Variants in GALK2 observed in about 807,000 individuals in gnomAD.
The protein encoded by GALK2 is galactokinase 2.
A neutral mutation model predicts 52.4 loss-of-function variants in GALK2; 36 were observed. The ratio of observed to expected loss-of-function variants is 0.69; its 90% CI spans 0.53 to 0.91. The LOEUF is 0.91. Among genes scored for constraint, GALK2 ranks in the 40% least tolerant of loss-of-function variants. The pLI is 0.00. For missense variants in GALK2, 579 were observed against 559.1 expected, an observed-to-expected ratio of 1.04 and a Z score of -0.36; for synonymous variants, 176 against 199.1, an observed-to-expected ratio of 0.88 and a Z score of 0.98.
At chr15:49,318,046 T>G (rs946982885) in intron 8 of GALK2, 1 of 129,618 alleles carries the variant, frequency 7.7e-6, no homozygotes, top group Non-Finnish European at 1.8e-5. Flanking sequence ...ATCCCAGAAT[T>G]TAAAGTAAAA....
intron 3 of GALK2, among the ~76,000 whole-genome samples, chr15:49,356,219 G>T (rs2043142313): frequency 6.6e-6 from 1 of 151,636 alleles, no homozygotes; most frequent in African/African-American, 2.4e-5. Flanking sequence ...CATAATGACA[G>T]GATCAAATTC....
chr15:49,227,845 GTA>G (rs2090221367), intron 3 of GALK2, among the ~76,000 whole-genome samples: 1 of 151,940 alleles, frequency 6.6e-6, no homozygotes, highest in African/African-American at 2.4e-5. Context: ...TCCTGTTGGT[GTA>G]TATATTATCC....
intron 7 of GALK2, among the ~76,000 whole-genome samples, chr15:49,287,841 GT>G (rs1407652598): frequency 6.6e-6 from 1 of 151,824 alleles, no homozygotes. Flanking sequence ...TTTTAATCAA[GT>G]TAACACAGAG....
At chr15:49,366,894 T>G (rs927474501) in intron 3 of GALK2, among the ~76,000 whole-genome samples, 1 of 152,198 alleles carries the variant, frequency 6.6e-6, no homozygotes, top group African/African-American at 2.4e-5. Flanking sequence ...TAATGAGGAC[T>G]GGGCCAAGAA....
intron 9 of GALK2, among the ~76,000 whole-genome samples, chr15:49,322,947 A>G: frequency 6.8e-6 from 1 of 146,368 alleles, no homozygotes; most frequent in Non-Finnish European, 1.5e-5. Context: ...ACAGAGCAAG[A>G]CTCCATCTCA....
chr15:49,242,104 G>T (rs2091123846), intron 5 of GALK2, among the ~76,000 whole-genome samples: 1 of 152,046 alleles, frequency 6.6e-6, no homozygotes. Context: ...AATGCCATGT[G>T]ATTTTACTCT....
intron 1 of GALK2, among the ~76,000 whole-genome samples, chr15:49,200,029 T>C (rs191506138): frequency 1.3e-4 from 20 of 152,346 alleles, no homozygotes; most frequent in African/African-American, 3.8e-4. Context: ...TCTTAATTAA[T>C]TAATTTCCTG....
chr15:49,328,590 T>C lies in GALK2; in HGVS notation c.*431T>C, dbSNP rs2037925014. ...CTCTTAGTATTCTTCTTCCTCAAAG[T>C]TGTAGTTGTCTGTTGATGATGGTGA... On this transcript the variant is annotated 3_prime_UTR_variant, in exon 10 of 10. Coordinates refer to ENST00000560031, the MANE Select transcript of GALK2 (RefSeq NM_002044.4). 11 of 1,598,276 alleles carry C rather than the reference T, an allele frequency of 6.9e-6. No homozygotes were observed. Among genetic ancestry groups the C allele is most frequent in the Non-Finnish European group, 9.4e-6 (11 of 1,169,680 alleles).
intron 2 of GALK2, among the ~76,000 whole-genome samples, chr15:49,210,194 TTTTTAA>T (rs1391451540): frequency 6.6e-6 from 1 of 152,020 alleles, no homozygotes; most frequent in African/African-American, 2.4e-5. Flanking sequence ...TTTTCTGTTT[TTTTTAA>T]TTTTATTTAT....
intron 3 of GALK2, among the ~76,000 whole-genome samples, chr15:49,347,059 C>T (rs2041610758): frequency 1.3e-5 from 2 of 152,104 alleles, no homozygotes; most frequent in Admixed American, 1.3e-4. Context: ...TTCTAAATGG[C>T]CTAGAATTAT....
Position 49,273,652 on chromosome 15 carries a change from A to G in GALK2, c.505-8335A>G, listed in dbSNP as rs560684769. Among the ~76,000 whole-genome samples, 131 of 151,626 alleles carry G rather than the reference A, an allele frequency of 8.6e-4. 1 individual carries two copies. The highest frequency in any genetic ancestry group is 3.0e-3 in the African/African-American group (122 of 41,304). On this transcript the variant is annotated intron_variant, in intron 5 of 9. Coordinates refer to ENST00000560031, the MANE Select transcript of GALK2 (RefSeq NM_002044.4). The stretch of plus-strand genomic sequence containing the variant: ...AAGCAAGTCTGCTTCAGTCTCTTTT[A>G]GAGTTATCTTGGTGCCATTTCATGG...
At chr15:49,366,178 A>G in intron 3 of GALK2, 1 of 857,854 alleles carries the variant, frequency 1.2e-6, no homozygotes, top group Non-Finnish European at 2.0e-6. Context: ...CCATAGTATA[A>G]TCAAAGTTAG....
In GALK2 at chr15:49,283,559, C is replaced by T; in HGVS notation, c.604-7C>T. The T allele has an allele frequency of 6.3e-7, 1 of 1,599,660 alleles. No homozygotes were observed. The highest frequency in any genetic ancestry group is 1.1e-5 in the South Asian group (1 of 88,502). On this transcript the variant is annotated splice_polypyrimidine_tract_variant and splice_region_variant and intron_variant, in intron 6 of 9. Transcript: ENST00000560031. ...TTATATTTCTCCTTTCATTTTTCTT[C>T]TAACAGGCCAAGTTGATAGAATTTA...
At chr15:49,302,255 A>G (rs17476361) in intron 8 of GALK2, among the ~76,000 whole-genome samples, 22,747 of 152,112 alleles carry the variant, frequency 0.15, 2,209 homozygotes, top group Non-Finnish European at 0.21. Flanking sequence ...GCTTGGCTCT[A>G]ATTTTTTCTT....
chr15:49,280,200 T>C (rs961761989), intron 5 of GALK2, among the ~76,000 whole-genome samples: 1 of 151,416 alleles, frequency 6.6e-6, no homozygotes, highest in African/African-American at 2.5e-5. Context: ...TTCACAGACA[T>C]GTAGATAAAA....
At position 49,360,236 on chromosome 15, in the gene GALK2, T is replaced by G. The variant is rs1405930206; in HGVS notation, c.427-7255T>G. Among the ~76,000 whole-genome samples, 4 of 85,864 alleles carry G rather than the reference T, an allele frequency of 4.7e-5. No individual in the cohort carries two copies. In the East Asian group the frequency reaches 1.0e-3, roughly 22 times the overall value. The allele number at this position is 85,864 out of a possible 152,430, so 56.3% of individuals were successfully genotyped here. On this transcript the variant is annotated intron_variant, in intron 3 of 3. Coordinates refer to the GALK2 transcript ENST00000558399. The stretch of plus-strand genomic sequence containing the variant: ...CACATGTACCCTAAAACTTATAGTA[T>G]AAGGAAAAAAAAAAAAAGTCTGTGT...
intron 1 of GALK2, among the ~76,000 whole-genome samples, chr15:49,188,453 T>C (rs1005662999): frequency 6.6e-6 from 1 of 152,210 alleles, no homozygotes; most frequent in Non-Finnish European, 1.5e-5. Context: ...TACTCCTCCA[T>C]GTGCACAGCT....
intron 8 of GALK2, among the ~76,000 whole-genome samples, chr15:49,304,215 T>C (rs1029485894): frequency 1.3e-5 from 2 of 152,226 alleles, no homozygotes; most frequent in Admixed American, 6.5e-5. Flanking sequence ...TCCACATAAG[T>C]AAGTGTTCTC....
chr15:49,295,221 A>G (rs2034354156), intron 8 of GALK2, among the ~76,000 whole-genome samples: 1 of 151,906 alleles, frequency 6.6e-6, no homozygotes, highest in Admixed American at 6.6e-5. Context: ...AAAGAAATAT[A>G]AGGTAAATAA....
Sources: allele counts gnomAD v4.1 joint callset (sites outside exome capture counted in the v4.1 genomes callset), GRCh38; gene constraint gnomAD v4.1.1; transcripts MANE v1.5; gene names NCBI Gene and HGNC (gene_info 2026-07-23, HGNC 2026-07-21).